Variants in RNLS observed in about 807,000 individuals in gnomAD.
RNLS encodes the protein renalase, FAD dependent amine oxidase.
In RNLS, 39 loss-of-function variants were observed where a neutral mutation model predicts 39.8. That is an observed-to-expected ratio of 0.98 (90% CI 0.76 to 1.28). The LOEUF is 1.28. Among genes scored for constraint, RNLS ranks in the 50% most tolerant of loss-of-function variants. RNLS has a pLI of 0.00. For synonymous variants in RNLS, 147 were observed against 150.7 expected, an observed-to-expected ratio of 0.98 and a Z score of 0.18; for missense variants, 410 against 413.3, an observed-to-expected ratio of 0.99 and a Z score of 0.07.
chr10:88,572,847 C>A, intron 4 of RNLS, 56 bp downstream of exon 4: 3 of 1,576,694 alleles, frequency 1.9e-6, no homozygotes, highest in Non-Finnish European at 2.6e-6. Flanking sequence ...CAAATTCATG[C>A]TTTGTCAAAA....
chr10:88,236,809 G>C, the RNLS span, among the ~76,000 whole-genome samples: 1 of 152,182 alleles, frequency 6.6e-6, no homozygotes, highest in African/African-American at 2.4e-5. Flanking sequence ...CTACTGCAAG[G>C]AGTCAATAAA....
the RNLS span, among the ~76,000 whole-genome samples, chr10:88,185,237 T>C: frequency 6.6e-6 from 1 of 152,118 alleles, no homozygotes; most frequent in African/African-American, 2.4e-5. Context: ...TAATTCATCC[T>C]TTGTCTTATT....
At position 88,443,471 on chromosome 10, in the gene RNLS, G is replaced by T. The variant is rs147626961; in HGVS notation, c.527-80746C>A. Among the ~76,000 whole-genome samples, 788 of 152,274 alleles carry T rather than the reference G, an allele frequency of 5.2e-3. 8 individuals carry two copies. Among genetic ancestry groups the T allele is most frequent in the African/African-American group, 0.018 (735 of 41,552 alleles). ...TGGGCTTGTCGGACAGTGGGTGCAG[G>T]ACAGTGGGTGCAGCACACCGAGCGT... On this transcript the variant is annotated intron_variant, in intron 4 of 6. Coordinates refer to ENST00000331772, the MANE Select transcript of RNLS (RefSeq NM_001031709.3).
intron 5 of RNLS, among the ~76,000 whole-genome samples, chr10:88,332,141 C>T (rs549941294): frequency 6.6e-6 from 1 of 152,352 alleles, no homozygotes; most frequent in Admixed American, 6.5e-5. Flanking sequence ...ATTTTACTTG[C>T]TTTTTAAAAA....
In RNLS at chr10:88,362,452, C is replaced by T. The variant is rs563923725; in HGVS notation, c.700+100G>A. 1.9e-4 allele frequency: 205 copies of T among 1,101,568 alleles called. No individual in the cohort carries two copies. The East Asian group carries it at 2.0e-3, about 11-fold the overall frequency. The allele number at this position is 1,101,568 out of a possible 1,614,324, so 68.2% of individuals were successfully genotyped here. A position where few individuals can be genotyped will look rare whatever the true frequency, so the allele number is the denominator to read the frequency against. On this transcript the variant is annotated intron_variant, in intron 5 of 6. Transcript: ENST00000331772. Reference sequence around the variant, plus strand: ...ATCCCCTGTGGCTTGGAGTTAAATGCTTGCTCTGTTCAGAATGGCAACACT... The same window carrying T: ...ATCCCCTGTGGCTTGGAGTTAAATGTTTGCTCTGTTCAGAATGGCAACACT...
At chr10:88,424,295 A>G (rs1376733469) in intron 4 of RNLS, among the ~76,000 whole-genome samples, 4 of 152,180 alleles carry the variant, frequency 2.6e-5, no homozygotes, top group African/African-American at 9.7e-5. Context: ...AATGTGCAAA[A>G]TATCAGTTCT....
the RNLS span, among the ~76,000 whole-genome samples, chr10:88,208,216 C>T: frequency 6.6e-6 from 1 of 152,072 alleles, no homozygotes; most frequent in Non-Finnish European, 1.5e-5. Flanking sequence ...TCTTATGGAA[C>T]CTGCCTTTAA....
At chr10:88,461,889 A>G (rs1589833948) in intron 4 of RNLS, among the ~76,000 whole-genome samples, 1 of 152,122 alleles carries the variant, frequency 6.6e-6, no homozygotes, top group African/African-American at 2.4e-5. Flanking sequence ...ATTACTTGAA[A>G]TTACATCATC....
chr10:88,572,822 C>T (rs887128635), intron 4 of RNLS, 81 bp downstream of exon 4: 28 of 1,432,438 alleles, frequency 2.0e-5, no homozygotes, highest in African/African-American at 7.1e-5. Flanking sequence ...TTGTCCTTTG[C>T]GAAGAGAGTT....
intron 6 of RNLS, among the ~76,000 whole-genome samples, chr10:88,291,795 C>T (rs575844783): frequency 1.2e-4 from 18 of 152,214 alleles, no homozygotes; most frequent in African/African-American, 3.4e-4. Context: ...AAACAGATCA[C>T]ATCAGGAGCC....
At chr10:88,403,806 A>G (rs1208208423) in intron 4 of RNLS, among the ~76,000 whole-genome samples, 1 of 151,842 alleles carries the variant, frequency 6.6e-6, no homozygotes, top group Non-Finnish European at 1.5e-5. Flanking sequence ...AGGCCGATGC[A>G]GGAGGATCAC....
chr10:88,191,370 G>C, the RNLS span, among the ~76,000 whole-genome samples: 1 of 151,664 alleles, frequency 6.6e-6, no homozygotes, highest in Non-Finnish European at 1.5e-5. Context: ...TTTTTTTTCT[G>C]CATGTGTCTT....
chr10:88,228,591 C>T, the RNLS span, among the ~76,000 whole-genome samples: 22 of 152,240 alleles, frequency 1.4e-4, no homozygotes, highest in Non-Finnish European at 2.6e-4. Context: ...GGAAGTGCCA[C>T]TACTTCTTCG....
At chr10:88,540,496 A>C (rs1847981337) in intron 4 of RNLS, among the ~76,000 whole-genome samples, 1 of 152,140 alleles carries the variant, frequency 6.6e-6, no homozygotes, top group African/African-American at 2.4e-5. Context: ...CTGAAAGCAA[A>C]GCAAATATTT....
chr10:88,480,465 AG>A (rs777431922), intron 4 of RNLS, among the ~76,000 whole-genome samples: 8 of 152,228 alleles, frequency 5.3e-5, no homozygotes, highest in Admixed American at 2.6e-4. Flanking sequence ...CTTGTTGCCT[AG>A]GCGGGAGTGC....
At chr10:88,196,589 G>A in the RNLS span, among the ~76,000 whole-genome samples, 1 of 152,162 alleles carries the variant, frequency 6.6e-6, no homozygotes, top group Non-Finnish European at 1.5e-5. Flanking sequence ...ACTATAAGAG[G>A]CATCATTTCT....
intron 4 of RNLS, among the ~76,000 whole-genome samples, chr10:88,523,658 GAA>G (rs1846896482): frequency 6.6e-6 from 1 of 152,096 alleles, no homozygotes; most frequent in African/African-American, 2.4e-5. Flanking sequence ...TGAAATCCAG[GAA>G]AGAGTTATTA....
intron 4 of RNLS, among the ~76,000 whole-genome samples, chr10:88,556,923 A>ATTGTATAGTATTT (rs1848906902): frequency 1.2e-4 from 18 of 152,148 alleles, no homozygotes; most frequent in Admixed American, 1.2e-3. Flanking sequence ...TGGATCAAAT[A>ATTGTATAGTATTT]CTATACAATA....
At chr10:88,455,485 C>A (rs1790187133) in intron 4 of RNLS, among the ~76,000 whole-genome samples, 6 of 152,252 alleles carry the variant, frequency 3.9e-5, no homozygotes, top group Middle Eastern at 3.4e-3. Flanking sequence ...CGGCTCACTG[C>A]AAGCTCCACC....
Sources: allele counts gnomAD v4.1 joint callset (sites outside exome capture counted in the v4.1 genomes callset), GRCh38; gene constraint gnomAD v4.1.1; transcripts MANE v1.5; gene names NCBI Gene and HGNC (gene_info 2026-07-23, HGNC 2026-07-21).